Variants in M1AP observed in about 807,000 individuals in gnomAD.
M1AP encodes meiosis 1 arrest protein.
Under a neutral mutation model 51.2 loss-of-function variants are expected in M1AP, and 39 were observed. The observed-to-expected ratio is 0.76, with a 90% CI of 0.59 to 1.00. M1AP has a LOEUF of 1.00. Among genes scored for constraint, M1AP ranks in the 50% least tolerant of loss-of-function variants. The probability of loss-of-function intolerance (pLI) is 0.00; values close to 1 mark genes in which losing one functional copy is unlikely to be tolerated. For synonymous variants in M1AP, 251 were observed against 249.2 expected, an observed-to-expected ratio of 1.01 and a Z score of -0.07; for missense variants, 545 against 641.2, an observed-to-expected ratio of 0.85 and a Z score of 1.62.
chr2:74,586,060 TC>T (rs1389550396), intron 4 of M1AP, among the ~76,000 whole-genome samples: 1 of 152,172 alleles, frequency 6.6e-6, no homozygotes, highest in Non-Finnish European at 1.5e-5. Context: ...TCAGACTATT[TC>T]CTCCTCATCA....
chr2:74,588,705 G>A (rs191936752), intron 4 of M1AP, among the ~76,000 whole-genome samples: 3 of 152,308 alleles, frequency 2.0e-5, no homozygotes, highest in Admixed American at 2.0e-4. Context: ...AGAGGTGACT[G>A]CAGGAATGGA....
chr2:74,558,791 C>T lies in M1AP; in HGVS notation c.1518G>A (p.Met506Ile), dbSNP rs763975760. Residue 506 changes from methionine (M) to isoleucine (I), a missense_variant, in exon 11 of 11, where the codon ATG (methionine) becomes ATA (isoleucine). Met to Ile is a conservative substitution (Grantham distance 10). Transcript: ENST00000421985. ...MTPVPGRASKMPAASKSSSDA... is the reference protein window; with the variant it reads ...MTPVPGRASKIPAASKSSSDA... ...CTGAGGAAGATTTGCTGGCTGCTGG[C>T]ATCTTGGAGGCTCTGCCTGGGACAG... 1 of 1,611,896 alleles carries T rather than the reference C, an allele frequency of 6.2e-7. No individual in the cohort carries two copies. The highest frequency in any genetic ancestry group is 2.2e-5 in the East Asian group (1 of 44,712).
chr2:74,560,318 C>T, intron 8 of M1AP, 27 bp from the exon 9 acceptor site: 2 of 1,555,908 alleles, frequency 1.3e-6, no homozygotes, highest in South Asian at 1.2e-5. Flanking sequence ...AGGGGCCTCA[C>T]TAGGGAACTT....
intron 2 of M1AP, among the ~76,000 whole-genome samples, chr2:74,638,161 T>A (rs933970978): frequency 3.3e-5 from 5 of 152,130 alleles, no homozygotes; most frequent in African/African-American, 1.2e-4. Context: ...TTCAAGCGAT[T>A]CTCCCGCCTC....
chr2:74,624,076 T>C (rs768685022), intron 2 of M1AP, among the ~76,000 whole-genome samples: 1 of 152,362 alleles, frequency 6.6e-6, no homozygotes, highest in East Asian at 1.9e-4. Context: ...CATCTATCTA[T>C]AGAGTTGTCT....
intron 4 of M1AP, among the ~76,000 whole-genome samples, chr2:74,589,236 GA>G (rs1679898007): frequency 6.6e-6 from 1 of 152,202 alleles, no homozygotes. Flanking sequence ...CTTGAGATGG[GA>G]ATGAGCTTTT....
At chr2:74,576,175 A>C (rs535516909) in intron 6 of M1AP, among the ~76,000 whole-genome samples, 1 of 152,364 alleles carries the variant, frequency 6.6e-6, no homozygotes, top group African/African-American at 2.4e-5. Flanking sequence ...ATAAACATTT[A>C]CTAAATGGAT....
intron 4 of M1AP, among the ~76,000 whole-genome samples, chr2:74,602,444 A>G (rs1264694551): frequency 6.6e-6 from 1 of 152,246 alleles, no homozygotes. Context: ...ACTTTTATAG[A>G]GAACTTACAT....
chr2:74,640,702 C>T (rs186339488), intron 1 of M1AP, among the ~76,000 whole-genome samples: 5 of 152,270 alleles, frequency 3.3e-5, no homozygotes, highest in African/African-American at 9.6e-5. Flanking sequence ...ACGATCCGCC[C>T]GCCTTGGCCT....
At chr2:74,622,332 G>A (rs1483592918) in intron 2 of M1AP, among the ~76,000 whole-genome samples, 13 of 151,960 alleles carry the variant, frequency 8.6e-5, no homozygotes, top group African/African-American at 3.1e-4. Context: ...CCCGCCTCCC[G>A]AGTTCAAGCG....
intron 2 of M1AP, among the ~76,000 whole-genome samples, chr2:74,629,553 C>T (rs1223700366): frequency 6.6e-6 from 1 of 152,058 alleles, no homozygotes; most frequent in Non-Finnish European, 1.5e-5. Flanking sequence ...GAGTTTGAGA[C>T]CAGCCTGGCC....
intron 2 of M1AP, among the ~76,000 whole-genome samples, chr2:74,639,231 A>T (rs950735653): frequency 2.0e-5 from 3 of 152,258 alleles, no homozygotes; most frequent in African/African-American, 7.2e-5. Flanking sequence ...CATTAATAAA[A>T]AAATAGATTT....
chr2:74,577,718 ACAGGAAGT>A (rs1679161175), intron 5 of M1AP, among the ~76,000 whole-genome samples: 1 of 152,210 alleles, frequency 6.6e-6, no homozygotes, highest in Admixed American at 6.5e-5. Flanking sequence ...GTCCCAGAGC[ACAGGAAGT>A]CAGTAGGAGG....
intron 7 of M1AP, among the ~76,000 whole-genome samples, chr2:74,571,736 C>A (rs1188971849): frequency 6.6e-6 from 1 of 152,104 alleles, no homozygotes; most frequent in Non-Finnish European, 1.5e-5. Flanking sequence ...GTGGCTCACA[C>A]CTGTAATCCC....
intron 3 of M1AP, among the ~76,000 whole-genome samples, chr2:74,611,882 GTTTTT>G (rs1188013311): frequency 1.2e-4 from 5 of 42,936 alleles, no homozygotes; most frequent in Non-Finnish European, 1.9e-4. Context: ...ACAAAAAAGT[GTTTTT>G]TTTTTTTTTT....
In M1AP at chr2:74,590,452, G is replaced by A. The variant is rs150782947; in HGVS notation, c.596-8605C>T. 4.0e-5 allele frequency among the ~76,000 whole-genome samples: 6 copies of A among 151,600 alleles called. No individual in the cohort carries two copies. In the East Asian group the frequency reaches 5.8e-4, roughly 15 times the overall value. On this transcript the variant is annotated intron_variant, in intron 4 of 10. Coordinates refer to ENST00000421985, the MANE Select transcript of M1AP (RefSeq NM_001321739.2). ...GATGAATTTTAGGGGGGGCGGGGGCGGGATACAACATTCAGACCATAGCAG... is the reference window on the plus strand; with the variant it reads ...GATGAATTTTAGGGGGGGCGGGGGCAGGATACAACATTCAGACCATAGCAG...
At chr2:74,571,238 A>G (rs115585705) in intron 7 of M1AP, among the ~76,000 whole-genome samples, 39 of 152,306 alleles carry the variant, frequency 2.6e-4, no homozygotes, top group African/African-American at 9.4e-4. Flanking sequence ...TCATGTTATG[A>G]GTGGAAAATT....
intron 2 of M1AP, 77 bp from the exon 3 acceptor site, chr2:74,615,226 T>G: frequency 7.9e-7 from 1 of 1,272,382 alleles, no homozygotes; most frequent in South Asian, 1.3e-5. Flanking sequence ...AAATTTATTA[T>G]AAATAATTCC....
At chr2:74,589,186 G>A (rs907432244) in intron 4 of M1AP, among the ~76,000 whole-genome samples, 31 of 152,348 alleles carry the variant, frequency 2.0e-4, no homozygotes, top group African/African-American at 7.0e-4. Flanking sequence ...ACATTTGTGC[G>A]AAGATTGTTT....
Sources: gnomAD v4.1 joint callset for allele counts (sites outside exome capture counted in the v4.1 genomes callset) on GRCh38, gnomAD v4.1.1 for gene constraint, MANE v1.5 for transcripts, NCBI Gene and HGNC (gene_info 2026-07-23, HGNC 2026-07-21) for gene names.